Variants in KATNA1 observed in about 807,000 individuals in gnomAD.
KATNA1 encodes the protein katanin p60 ATPase-containing subunit A1.
KATNA1 carries 42 observed loss-of-function variants against 62.6 expected under a neutral mutation model. The ratio of observed to expected loss-of-function variants is 0.67; its 90% CI spans 0.52 to 0.87. The LOEUF (loss-of-function observed/expected upper bound fraction) is 0.87. KATNA1 is among the 40% of genes least tolerant of loss of function. The pLI, the probability that KATNA1 is intolerant of heterozygous loss-of-function variation, is 0.00. For missense variants in KATNA1, 498 were observed against 612.5 expected, an observed-to-expected ratio of 0.81 and a Z score of 1.97; for synonymous variants, 186 against 201.9, an observed-to-expected ratio of 0.92 and a Z score of 0.67.
chr6:149,611,717 T>C (rs1451781772), intron 4 of KATNA1, among the ~76,000 whole-genome samples: 1 of 151,978 alleles, frequency 6.6e-6, no homozygotes, highest in Non-Finnish European at 1.5e-5. Flanking sequence ...ATAAGGAATA[T>C]GGCCAGGCAT....
chr6:149,636,942 A>G (rs1256352381), intron 2 of KATNA1, among the ~76,000 whole-genome samples: 1 of 151,352 alleles, frequency 6.6e-6, no homozygotes, highest in Non-Finnish European at 1.5e-5. Context: ...ATGCCCCGCA[A>G]GACTTATTTT....
intron 1 of KATNA1, among the ~76,000 whole-genome samples, chr6:149,642,377 A>T (rs1780324788): frequency 1.3e-5 from 2 of 152,216 alleles, no homozygotes; most frequent in South Asian, 4.1e-4. Context: ...ACATAGACAC[A>T]CACATACACA....
chr6:149,643,712 T>G (rs1780374864), intron 1 of KATNA1, among the ~76,000 whole-genome samples: 1 of 150,898 alleles, frequency 6.6e-6, no homozygotes, highest in Non-Finnish European at 1.5e-5. Context: ...TGAGACAGGG[T>G]CTCATTCTGC....
At chr6:149,623,043 C>T in intron 4 of KATNA1, 60 bp downstream of exon 4, 3 of 1,230,278 alleles carry the variant, frequency 2.4e-6, no homozygotes, top group South Asian at 1.5e-5. Context: ...TAAATTTGTA[C>T]AGTCTTCATT....
intron 4 of KATNA1, among the ~76,000 whole-genome samples, chr6:149,622,184 G>A (rs1318372263): frequency 2.0e-5 from 3 of 150,500 alleles, no homozygotes; most frequent in Non-Finnish European, 4.4e-5. Flanking sequence ...CCAGGCTGGA[G>A]TGCGGTGGCG....
chr6:149,628,107 AT>A (rs1313783489), intron 3 of KATNA1, among the ~76,000 whole-genome samples: 2,654 of 145,174 alleles, frequency 0.018, 98 homozygotes, highest in African/African-American at 0.058. Flanking sequence ...TTGTACTCAC[AT>A]TTTTTTTTTT....
chr6:149,612,990 C>T (rs1208768496), intron 4 of KATNA1, among the ~76,000 whole-genome samples: 1 of 151,382 alleles, frequency 6.6e-6, no homozygotes, highest in Non-Finnish European at 1.5e-5. Context: ...ACCATCCTGG[C>T]TAACACGGTG....
chr6:149,598,184 A>G (rs955767489), intron 8 of KATNA1, 40 bp downstream of exon 8: 1 of 1,608,496 alleles, frequency 6.2e-7, no homozygotes, highest in African/African-American at 1.3e-5. Flanking sequence ...CACACCTAAC[A>G]ACCTCCCGTC....
intron 2 of KATNA1, among the ~76,000 whole-genome samples, chr6:149,633,679 G>A (rs1199740167): frequency 1.3e-5 from 2 of 151,872 alleles, no homozygotes; most frequent in East Asian, 3.9e-4. Flanking sequence ...GTTGCAGAAA[G>A]CCAAGATCAC....
intron 4 of KATNA1, among the ~76,000 whole-genome samples, chr6:149,616,533 G>T (rs1423537438): frequency 1.3e-5 from 2 of 152,206 alleles, no homozygotes; most frequent in Non-Finnish European, 2.9e-5. Context: ...GCCAAGGCGG[G>T]CAGATCATCT....
chr6:149,638,786 G>C (rs2114627005), intron 1 of KATNA1, among the ~76,000 whole-genome samples: 1 of 144,508 alleles, frequency 6.9e-6, no homozygotes, highest in Admixed American at 7.4e-5. Context: ...GCCCCGGCTG[G>C]AGCGCAATGG....
chr6:149,631,253 G>T (rs1779823279), intron 3 of KATNA1, among the ~76,000 whole-genome samples: 2 of 152,000 alleles, frequency 1.3e-5, no homozygotes, highest in East Asian at 1.9e-4. Context: ...CAAAAAATTA[G>T]CTGGGCATGA....
intron 3 of KATNA1, among the ~76,000 whole-genome samples, chr6:149,627,889 C>A (rs1289524641): frequency 6.6e-6 from 1 of 151,766 alleles, no homozygotes; most frequent in Non-Finnish European, 1.5e-5. Context: ...CAGCACAGTG[C>A]CTGAGGGAGA....
intron 1 of KATNA1, among the ~76,000 whole-genome samples, chr6:149,645,193 T>C (rs976711481): frequency 2.0e-5 from 3 of 152,116 alleles, no homozygotes; most frequent in African/African-American, 7.2e-5. Context: ...ACGCCTGTAA[T>C]CACAGCACTT....
chr6:149,630,552 CG>C (rs1349448147), intron 3 of KATNA1, among the ~76,000 whole-genome samples: 3 of 152,012 alleles, frequency 2.0e-5, no homozygotes, highest in African/African-American at 7.3e-5. Context: ...TTGCTTGAAC[CG>C]GGAGGCGGAG....
chr6:149,632,445 G>A (rs1779884846), intron 3 of KATNA1, among the ~76,000 whole-genome samples: 1 of 151,816 alleles, frequency 6.6e-6, no homozygotes, highest in South Asian at 2.1e-4. Context: ...AAGCTACAGA[G>A]AGTGGCAAAG....
At chr6:149,595,777 A>C (rs1446785838) in intron 10 of KATNA1, among the ~76,000 whole-genome samples, 1 of 152,110 alleles carries the variant, frequency 6.6e-6, no homozygotes, top group Non-Finnish European at 1.5e-5. Flanking sequence ...TGATGTATAC[A>C]CTTTAGCTTT....
At chr6:149,631,260 ATGATGGCAGGTGCC>A in intron 3 of KATNA1, among the ~76,000 whole-genome samples, 1 of 152,194 alleles carries the variant, frequency 6.6e-6, no homozygotes, top group Non-Finnish European at 1.5e-5. Context: ...TTAGCTGGGC[ATGATGGCAGGTGCC>A]TGTAATTCCA....
intron 4 of KATNA1, among the ~76,000 whole-genome samples, chr6:149,612,233 C>T (rs1236905471): frequency 6.6e-6 from 1 of 151,972 alleles, no homozygotes; most frequent in Non-Finnish European, 1.5e-5. Flanking sequence ...TAAGGCCCGG[C>T]GTGGTGGCTC....
Sources: allele counts gnomAD v4.1 joint callset (sites outside exome capture counted in the v4.1 genomes callset), GRCh38; gene constraint gnomAD v4.1.1; transcripts MANE v1.5; gene names NCBI Gene and HGNC (gene_info 2026-07-23, HGNC 2026-07-21).